WIPF1: variants seen among roughly 807,000 people sequenced by gnomAD.
WIPF1 encodes the protein WAS/WASL-interacting protein family member 1.
A neutral mutation model predicts 35.4 loss-of-function variants in WIPF1; 13 were observed. The observed-to-expected ratio is 0.37, with a 90% CI of 0.24 to 0.58. The LOEUF (loss-of-function observed/expected upper bound fraction) is 0.58. WIPF1 is among the 20% of genes least tolerant of loss of function. WIPF1 has a pLI of 0.74. For missense variants in WIPF1, 591 were observed against 667.0 expected (o/e 0.89, Z 1.25); for synonymous variants, 267 against 266.3 (o/e 1.00, Z -0.02).
intron 1 of WIPF1, among the ~76,000 whole-genome samples, chr2:174,618,129 T>C (rs1467092038): frequency 1.3e-5 from 2 of 152,140 alleles, no homozygotes; most frequent in Admixed American, 1.3e-4. Context: ...TAATTGAAAA[T>C]CCCATAATTA....
In WIPF1 at chr2:174,571,439, T is replaced by G; in HGVS notation, c.1129+237A>C. 1 of 631,270 alleles carries G rather than the reference T, an allele frequency of 1.6e-6. No individual in the cohort carries two copies. 39.1% of individuals were successfully genotyped at this position (631,270 alleles called of 1,614,324 possible). A position where few individuals can be genotyped will look rare whatever the true frequency, so the allele number is the denominator to read the frequency against. Reference sequence around the variant, plus strand: ...TCTTTATTAACTAGCTCGTGACCATTTAACTTTATTAGCTACTCAGTGTCC... The same window carrying G: ...TCTTTATTAACTAGCTCGTGACCATGTAACTTTATTAGCTACTCAGTGTCC... On this transcript the variant is annotated intron_variant, in intron 5 of 7. Transcript: ENST00000679041. The surrounding 1 kb of genome is among the most constrained non-coding windows in gnomAD (Gnocchi z 4.6).
intron 4 of WIPF1, among the ~76,000 whole-genome samples, chr2:174,573,270 T>C (rs1447295574): frequency 5.1e-5 from 1 of 19,604 alleles, no homozygotes; most frequent in African/African-American, 1.3e-4. Context: ...AAGGTAATTC[T>C]GAAAAAAAAA....
intron 1 of WIPF1, among the ~76,000 whole-genome samples, chr2:174,661,601 CCTCT>C (rs1242939472): frequency 6.6e-6 from 1 of 152,144 alleles, no homozygotes; most frequent in Non-Finnish European, 1.5e-5. Flanking sequence ...ATCCCATCAG[CCTCT>C]CTGCTTTTTT....
intron 7 of WIPF1, among the ~76,000 whole-genome samples, chr2:174,562,916 C>T (rs193185603): frequency 6.6e-6 from 1 of 152,276 alleles, no homozygotes; most frequent in Admixed American, 6.5e-5. Context: ...AAAGAACTCA[C>T]CCATTCCTCC....
intron 1 of WIPF1, among the ~76,000 whole-genome samples, chr2:174,639,276 G>GAC (rs1174932871): frequency 3.3e-5 from 5 of 152,134 alleles, no homozygotes; most frequent in Non-Finnish European, 5.9e-5. Context: ...TTATTTTTGA[G>GAC]ACAGGGTCTT....
At chr2:174,663,469 T>G (rs2105976909) in intron 1 of WIPF1, among the ~76,000 whole-genome samples, 2 of 151,084 alleles carry the variant, frequency 1.3e-5, no homozygotes, top group East Asian at 2.0e-4. Flanking sequence ...GCATTCCCCT[T>G]CCCCCCACCC....
At chr2:174,606,105 T>C (rs1483404872) in intron 1 of WIPF1, among the ~76,000 whole-genome samples, 1 of 142,484 alleles carries the variant, frequency 7.0e-6, no homozygotes, top group Non-Finnish European at 1.6e-5. Context: ...CACCCATTAT[T>C]AGTGGCAATA....
At chr2:174,643,923 CCTTT>C (rs1179999208) in intron 1 of WIPF1, among the ~76,000 whole-genome samples, 4 of 151,966 alleles carry the variant, frequency 2.6e-5, no homozygotes, top group African/African-American at 9.7e-5. Flanking sequence ...CCCTTTTCAT[CCTTT>C]CTGTGTTATT....
In WIPF1 at chr2:174,572,320, G is replaced by A. The variant is rs879101183; in HGVS notation, c.485C>T (p.Pro162Leu). 6.2e-7 allele frequency: 1 copy of A among 1,614,112 alleles called. No homozygotes were observed. Among genetic ancestry groups the A allele is most frequent in the Admixed American group, 1.7e-5 (1 of 60,026 alleles). Reference sequence around the variant, plus strand: ...CGGCATTCGGTTCCTCTGAGGCTCTGGGGGACCACTTCTGTGGCCTGGAGA... The same window carrying A: ...CGGCATTCGGTTCCTCTGAGGCTCTAGGGGACCACTTCTGTGGCCTGGAGA... Reference protein sequence around the residue: ...VPSPGHRSGPPEPQRNRMPPP... With the variant: ...VPSPGHRSGPLEPQRNRMPPP... Residue 162 changes from proline to leucine, a missense_variant, in exon 5 of 8, where the codon CCA (proline) becomes CTA (leucine). Physicochemically the swap from Pro to Leu is moderately conservative, Grantham distance 98. This residue lies in a region of WIPF1 where 471 missense variants were observed against 501.1 expected (regional missense o/e 0.94). Coordinates refer to ENST00000679041, the MANE Select transcript of WIPF1 (RefSeq NM_001375834.1).
intron 1 of WIPF1, among the ~76,000 whole-genome samples, chr2:174,663,050 T>C (rs1687812289): frequency 6.6e-6 from 1 of 152,198 alleles, no homozygotes. Flanking sequence ...AAACCACTTC[T>C]CTATAAACAT....
chr2:174,578,360 A>G (rs190207226), intron 3 of WIPF1, among the ~76,000 whole-genome samples: 11 of 152,178 alleles, frequency 7.2e-5, no homozygotes, highest in Non-Finnish European at 1.0e-4. Context: ...CTCTTAATAT[A>G]TTGGGGAATG....
chr2:174,636,891 C>T (rs1687196796), intron 1 of WIPF1, among the ~76,000 whole-genome samples: 1 of 152,120 alleles, frequency 6.6e-6, no homozygotes, highest in Non-Finnish European at 1.5e-5. Context: ...GCTGGTGTTG[C>T]CCTTGATCAC....
At chr2:174,573,715 G>C (rs1373256610) in intron 4 of WIPF1, among the ~76,000 whole-genome samples, 1 of 152,122 alleles carries the variant, frequency 6.6e-6, no homozygotes, top group African/African-American at 2.4e-5. Flanking sequence ...TGTGCCCGGG[G>C]CACAGTGAGA....
chr2:174,625,413 G>C (rs375643277), intron 1 of WIPF1, among the ~76,000 whole-genome samples: 2 of 152,180 alleles, frequency 1.3e-5, no homozygotes, highest in African/African-American at 2.4e-5. Context: ...TGAAATGCCC[G>C]GGTTTGTTTT....
In WIPF1 at chr2:174,571,813, G is replaced by A. The variant is rs764421341; in HGVS notation, c.992C>T (p.Thr331Ile). Reference sequence around the variant, plus strand: ...CAGATTCCGCTGTGGGAGTCTTGGGGTTTCGTCATTGCCGCTGGAACTTGG... The same window carrying A: ...CAGATTCCGCTGTGGGAGTCTTGGGATTTCGTCATTGCCGCTGGAACTTGG... ...LPPSSSGNDETPRLPQRNLSL... is the reference protein window; with the variant it reads ...LPPSSSGNDEIPRLPQRNLSL... Residue 331 changes from threonine (T) to isoleucine (I), a missense_variant, in exon 5 of 8, where the codon ACC (threonine) becomes ATC (isoleucine). By Grantham distance (89) the Thr-to-Ile change is moderately conservative. Transcript: ENST00000679041. The surrounding 1 kb of genome is among the most constrained non-coding windows in gnomAD (Gnocchi z 4.6). 6.2e-7 allele frequency: 1 copy of A among 1,614,238 alleles called. No individual in the cohort carries two copies. The highest frequency in any genetic ancestry group is 8.5e-7 in the Non-Finnish European group (1 of 1,180,042).
chr2:174,599,101 C>T (rs1235165323), upstream of WIPF1, among the ~76,000 whole-genome samples: 4 of 152,174 alleles, frequency 2.6e-5, no homozygotes, highest in East Asian at 3.8e-4. Context: ...ATGAAAAGAA[C>T]GTATGTTGTC....
chr2:174,565,886 T>TATTTTTATTTTTTTTG (rs1197606520), intron 7 of WIPF1, among the ~76,000 whole-genome samples: 2 of 138,400 alleles, frequency 1.4e-5, no homozygotes, highest in African/African-American at 5.0e-5. Flanking sequence ...CATTTTTTTT[T>TATTTTTATTTTTTTTG]ATTTTTATTT....
At chr2:174,633,690 C>T (rs1045013535) in intron 1 of WIPF1, among the ~76,000 whole-genome samples, 3 of 152,228 alleles carry the variant, frequency 2.0e-5, no homozygotes, top group Non-Finnish European at 1.5e-5. Context: ...TGTTTCTGGA[C>T]GGCTGCTTCC....
rs142161092 is a variant in WIPF1, at chr2:174,572,285, G to A, written c.520C>T (p.Pro174Ser). Residue 174 changes from proline to serine, a missense_variant, in exon 5 of 8, where the codon CCC becomes TCC. This residue lies in a region of WIPF1 where 471 missense variants were observed against 501.1 expected (regional missense o/e 0.94). Transcript: ENST00000679041. ...PQRNRMPPPR[P>S]DVGSKPDSIP... is the part of the protein sequence containing the mutation. Reference sequence around the variant, plus strand: ...CTATCAGGCTTTGAGCCCACGTCGGGCCTTGGGGGCGGCATTCGGTTCCTC... The same window carrying A: ...CTATCAGGCTTTGAGCCCACGTCGGACCTTGGGGGCGGCATTCGGTTCCTC... 6.2e-6 allele frequency: 10 copies of A among 1,614,036 alleles called. No homozygotes were observed. Among genetic ancestry groups the A allele is most frequent in the East Asian group, 4.5e-5 (2 of 44,876 alleles).
Sources: allele counts gnomAD v4.1 joint callset (sites outside exome capture counted in the v4.1 genomes callset), GRCh38; gene constraint gnomAD v4.1.1; regional missense constraint gnomAD v4.1.1; non-coding constraint Gnocchi (gnomAD v3.1); transcripts MANE v1.5; gene names NCBI Gene and HGNC (gene_info 2026-07-23, HGNC 2026-07-21).